Variants in PRKN observed in about 807,000 individuals in gnomAD.
PRKN encodes E3 ubiquitin-protein ligase parkin.
A neutral mutation model predicts 59.5 loss-of-function variants in PRKN; 56 were observed. The observed-to-expected ratio is 0.94, with a 90% CI of 0.76 to 1.18. The LOEUF (loss-of-function observed/expected upper bound fraction) is 1.18, where lower values mean the gene tolerates loss of function less well. PRKN is among the 50% of genes most tolerant of loss of function. The pLI is 0.00. For synonymous variants in PRKN, 250 were observed against 222.1 expected (o/e 1.13, Z -1.12); for missense variants, 657 against 596.4 (o/e 1.10, Z -1.06).
At chr6:162,423,751 C>T (rs1347069739) in intron 2 of PRKN, among the ~76,000 whole-genome samples, 2 of 152,072 alleles carry the variant, frequency 1.3e-5, no homozygotes, top group East Asian at 1.9e-4. Context: ...CTACATGGTA[C>T]CTTATAGAAG....
chr6:161,687,545 C>T (rs1287123760), intron 7 of PRKN, among the ~76,000 whole-genome samples: 1 of 151,284 alleles, frequency 6.6e-6, no homozygotes, highest in African/African-American at 2.4e-5. Context: ...CAACCTCTGC[C>T]TCCTGGGTTC....
At chr6:162,433,922 C>T (rs972933796) in intron 2 of PRKN, among the ~76,000 whole-genome samples, 4 of 152,128 alleles carry the variant, frequency 2.6e-5, no homozygotes, top group African/African-American at 7.2e-5. Context: ...CCTCATTTCT[C>T]CCTCTAATGT....
chr6:161,740,802 A>G (rs1788154706), intron 7 of PRKN, among the ~76,000 whole-genome samples: 1 of 152,230 alleles, frequency 6.6e-6, no homozygotes, highest in Non-Finnish European at 1.5e-5. Flanking sequence ...AATAACTTTT[A>G]GTAAAACAGT....
chr6:161,559,336 G>C (rs1251786549), intron 8 of PRKN, among the ~76,000 whole-genome samples: 16 of 152,186 alleles, frequency 1.1e-4, no homozygotes, highest in Admixed American at 9.8e-4. Context: ...AGTTCCTACA[G>C]CTGATGTGAC....
chr6:162,508,291 G>A (rs1793694647), intron 1 of PRKN, among the ~76,000 whole-genome samples: 1 of 152,090 alleles, frequency 6.6e-6, no homozygotes, highest in Non-Finnish European at 1.5e-5. Context: ...CACAACACAT[G>A]GGAATTACAG....
At chr6:162,470,034 T>A (rs1283378977) in intron 1 of PRKN, among the ~76,000 whole-genome samples, 2 of 152,090 alleles carry the variant, frequency 1.3e-5, no homozygotes, top group Non-Finnish European at 2.9e-5. Context: ...TGAGGACAGA[T>A]TTTGATTCAC....
intron 1 of PRKN, among the ~76,000 whole-genome samples, chr6:162,554,915 T>C (rs1187819606): frequency 6.6e-6 from 1 of 152,126 alleles, no homozygotes; most frequent in Non-Finnish European, 1.5e-5. Flanking sequence ...TGATGAAATA[T>C]ACTTATTTGG....
intron 2 of PRKN, among the ~76,000 whole-genome samples, chr6:162,340,626 G>C (rs868161832): frequency 4.6e-5 from 7 of 152,042 alleles, no homozygotes; most frequent in Non-Finnish European, 1.0e-4. Context: ...ATAACACCAC[G>C]CATCTACAAA....
intron 1 of PRKN, among the ~76,000 whole-genome samples, chr6:162,538,426 AAAG>A (rs1778801994): frequency 6.6e-6 from 1 of 152,098 alleles, no homozygotes; most frequent in African/African-American, 2.4e-5. Flanking sequence ...AAAAAAAAGA[AAAG>A]AAGTATCTAA....
At position 162,531,940 on chromosome 6, in the gene PRKN, C is replaced by CA. The variant is rs35097200; in HGVS notation, c.8-88468dup. Among the ~76,000 whole-genome samples the CA allele has an allele frequency of 7.9e-3, 843 of 106,298 alleles. 9 individuals carry two copies. The highest frequency in any genetic ancestry group is 0.034 in the East Asian group (75 of 2,188). The allele number at this position is 106,298 out of a possible 152,430, so 69.7% of individuals were successfully genotyped here. On this transcript the variant is annotated intron_variant, in intron 1 of 11. Coordinates refer to ENST00000366898, the MANE Select transcript of PRKN (RefSeq NM_004562.3). ...GGGCAACACAGCCAGACTCTGACTC[C>CA]AAAAAAAAAAAAAAAAAATGTAACA...
chr6:161,651,352 T>C (rs1784143113), intron 7 of PRKN, among the ~76,000 whole-genome samples: 1 of 152,236 alleles, frequency 6.6e-6, no homozygotes. Context: ...GTCTCTAATA[T>C]GGTTTCTTCA....
chr6:161,757,934 T>C (rs1398586122), intron 7 of PRKN, among the ~76,000 whole-genome samples: 1 of 132,710 alleles, frequency 7.5e-6, no homozygotes, highest in East Asian at 2.2e-4. Context: ...TCTCTCTCTG[T>C]ATATATATGT....
At chr6:162,130,073 G>T (rs1197784612) in intron 4 of PRKN, among the ~76,000 whole-genome samples, 1 of 152,032 alleles carries the variant, frequency 6.6e-6, no homozygotes, top group East Asian at 1.9e-4. Context: ...CCAACACAAG[G>T]CTCCATCTTA....
chr6:161,766,314 A>ATTTTTTTTTTTTTTTTTTTTT (rs758294050), intron 7 of PRKN, among the ~76,000 whole-genome samples: 6 of 139,640 alleles, frequency 4.3e-5, no homozygotes, highest in African/African-American at 1.3e-4. Flanking sequence ...CATTGACCAC[A>ATTTTTTTTTTTTTTTTTTTTT]TTTTTTTTTT....
rs543768562 is a variant in PRKN at position 161,737,005 on chromosome 6, C to T, written c.871+48767G>A. On this transcript the variant is annotated intron_variant, in intron 7 of 11. Coordinates refer to ENST00000366898, the MANE Select transcript of PRKN (RefSeq NM_004562.3). ...AGCATAGCTCAGCGTTCTGCTCATGCAGGAAGGAGTACAGTGAAGGGGAGG... is the reference window on the plus strand; with the variant it reads ...AGCATAGCTCAGCGTTCTGCTCATGTAGGAAGGAGTACAGTGAAGGGGAGG... Among the ~76,000 whole-genome samples the T allele has an allele frequency of 3.3e-5, 5 of 152,240 alleles. No homozygotes were observed. In the East Asian group the frequency reaches 7.7e-4, roughly 24 times the overall value.
chr6:161,405,753 G>A lies in PRKN; in HGVS notation c.1084-18876C>T, dbSNP rs995209053. Among the ~76,000 whole-genome samples the A allele has an allele frequency of 8.6e-5, 13 of 152,038 alleles. No individual in the cohort carries two copies. The highest frequency in any genetic ancestry group is 2.9e-4 in the African/African-American group (12 of 41,384). On this transcript the variant is annotated intron_variant, in intron 9 of 11. Coordinates refer to ENST00000366898, the MANE Select transcript of PRKN (RefSeq NM_004562.3). This position sits in a 1 kb window ranked among gnomAD's most constrained non-coding sequence, Gnocchi z 5.1. The stretch of plus-strand genomic sequence containing the variant: ...ACAGCCAGGCAGGCTCGTGTTCCAA[G>A]TCTCGTACCCGTTGGGCCATTTGAG...
intron 3 of PRKN, among the ~76,000 whole-genome samples, chr6:162,230,037 T>C (rs1035670256): frequency 6.6e-6 from 1 of 152,204 alleles, no homozygotes; most frequent in Non-Finnish European, 1.5e-5. Flanking sequence ...GGAAACATAA[T>C]TGAATGTGCA....
At chr6:161,981,874 G>A (rs1287764110) in intron 5 of PRKN, among the ~76,000 whole-genome samples, 1 of 152,166 alleles carries the variant, frequency 6.6e-6, no homozygotes, top group African/African-American at 2.4e-5. Context: ...TCAATTACAA[G>A]TTTGTTTTCT....
At chr6:162,095,929 G>A (rs1307446780) in intron 4 of PRKN, among the ~76,000 whole-genome samples, 2 of 152,168 alleles carry the variant, frequency 1.3e-5, no homozygotes, top group Admixed American at 1.3e-4. Flanking sequence ...AGAAGATCCT[G>A]GACACACACC....
Sources: allele counts gnomAD v4.1 joint callset (sites outside exome capture counted in the v4.1 genomes callset), GRCh38; gene constraint gnomAD v4.1.1; non-coding constraint Gnocchi (gnomAD v3.1); transcripts MANE v1.5; gene names NCBI Gene and HGNC (gene_info 2026-07-23, HGNC 2026-07-21).